MYO5A: variants seen among roughly 807,000 people sequenced by gnomAD.
The protein encoded by MYO5A is myosin VA.
A neutral mutation model predicts 249.7 loss-of-function variants in MYO5A; 98 were observed. The ratio of observed to expected loss-of-function variants is 0.39; its 90% CI spans 0.33 to 0.46. The LOEUF (loss-of-function observed/expected upper bound fraction) is 0.46, where lower values mean the gene tolerates loss of function less well. MYO5A is among the 20% of genes least tolerant of loss of function. The probability of loss-of-function intolerance (pLI) is 0.98; values close to 1 mark genes in which losing one functional copy is unlikely to be tolerated. For synonymous variants in MYO5A, 778 were observed against 810.6 expected, an observed-to-expected ratio of 0.96 and a Z score of 0.68; for missense variants, 1,696 against 2,308.8, an observed-to-expected ratio of 0.73 and a Z score of 5.44.
intron 19 of MYO5A, 116 bp from the exon 20 acceptor site, chr15:52,375,576 T>C: frequency 9.4e-7 from 1 of 1,064,214 alleles, no homozygotes; most frequent in Non-Finnish European, 1.4e-6. Context: ...TCCATTGTAT[T>C]ATTCTAATAA....
intron 1 of MYO5A, among the ~76,000 whole-genome samples, chr15:52,467,481 G>A (rs937173234): frequency 4.6e-5 from 7 of 152,050 alleles, no homozygotes; most frequent in Non-Finnish European, 1.0e-4. Context: ...TCAGACAAAA[G>A]TGAGGAAAAA....
At chr15:52,477,463 T>C (rs1246828959) in intron 1 of MYO5A, among the ~76,000 whole-genome samples, 1 of 152,208 alleles carries the variant, frequency 6.6e-6, no homozygotes, top group Admixed American at 6.5e-5. Flanking sequence ...TTCCTTTGTG[T>C]TCCTTTGGAG....
chr15:52,354,152 A>G (rs1453547548), intron 25 of MYO5A, 138 bp from the exon 26 acceptor site: 2 of 1,036,500 alleles, frequency 1.9e-6, no homozygotes, highest in East Asian at 2.6e-5. Flanking sequence ...ATATATTTTT[A>G]AAATGCTCAA....
chr15:52,510,681 C>T (rs1294559612), intron 1 of MYO5A, among the ~76,000 whole-genome samples: 6 of 152,212 alleles, frequency 3.9e-5, no homozygotes, highest in African/African-American at 1.2e-4. Context: ...TAACTAATGC[C>T]TGATTATCTA....
In MYO5A at chr15:52,372,024, T is replaced by C. The variant is rs1397170586; in HGVS notation, c.2817+100A>G. ...ATACGGTCATAATTTTACTTTTTAC[T>C]AAGACCGAAGGGTAAAGTCAAAGAA... On this transcript the variant is annotated intron_variant, in intron 21 of 41. Transcript: ENST00000399233. The C allele has an allele frequency of 2.5e-6, 4 of 1,572,102 alleles. No individual in the cohort carries two copies. In the East Asian group the frequency reaches 9.0e-5, roughly 35 times the overall value.
At chr15:52,432,165 T>C (rs1055749569) in intron 2 of MYO5A, among the ~76,000 whole-genome samples, 2 of 152,248 alleles carry the variant, frequency 1.3e-5, no homozygotes, top group South Asian at 2.1e-4. Context: ...TCCTTCCCTA[T>C]AGAAGAATTC....
chr15:52,339,113 G>A (rs1196700393), intron 32 of MYO5A, among the ~76,000 whole-genome samples: 1 of 151,894 alleles, frequency 6.6e-6, no homozygotes, highest in East Asian at 1.9e-4. Flanking sequence ...TCATTCCCAT[G>A]GTGGAGCCTC....
At chr15:52,412,945 C>A (rs2141243412) in intron 5 of MYO5A, among the ~76,000 whole-genome samples, 1 of 152,150 alleles carries the variant, frequency 6.6e-6, no homozygotes, top group South Asian at 2.1e-4. Context: ...GTCAAGAGTT[C>A]AAGACCAGCC....
intron 16 of MYO5A, among the ~76,000 whole-genome samples, chr15:52,382,206 G>A (rs963951896): frequency 6.6e-6 from 1 of 152,156 alleles, no homozygotes; most frequent in Non-Finnish European, 1.5e-5. Flanking sequence ...CCGGCTGACG[G>A]ATGCTTTTTC....
At chr15:52,346,600 C>T (rs1327175027) in intron 29 of MYO5A, 139 bp from the exon 30 acceptor site, 3 of 703,690 alleles carry the variant, frequency 4.3e-6, no homozygotes, top group Non-Finnish European at 7.8e-6. Flanking sequence ...TCAGCCCCAA[C>T]CTCATGTAAC....
Position 52,314,118 on chromosome 15 carries a change from C to CT in MYO5A, c.5490+4dup. On this transcript the variant is annotated splice_donor_region_variant and intron_variant, in intron 41 of 41. Transcript: ENST00000399233. ...TGAATCAAAGAAGAAGATGGGAGCT[C>CT]TTACCTGTATAGTACGAATGAACGA... 4 of 1,599,990 alleles carry CT rather than the reference C, an allele frequency of 2.5e-6. No homozygotes were observed. Among genetic ancestry groups the CT allele is most frequent in the Non-Finnish European group, 3.4e-6 (4 of 1,168,068 alleles).
At chr15:52,415,349 C>T (rs2043429538) in intron 5 of MYO5A, among the ~76,000 whole-genome samples, 1 of 152,198 alleles carries the variant, frequency 6.6e-6, no homozygotes, top group African/African-American at 2.4e-5. Flanking sequence ...AAAACTATAA[C>T]TTTCCAAAAA....
At chr15:52,412,484 T>C (rs1475097161) in intron 5 of MYO5A, among the ~76,000 whole-genome samples, 1 of 152,254 alleles carries the variant, frequency 6.6e-6, no homozygotes, top group Non-Finnish European at 1.5e-5. Context: ...CAACTTGTCA[T>C]TATTTAATCT....
intron 1 of MYO5A, among the ~76,000 whole-genome samples, chr15:52,461,948 C>T (rs1008215849): frequency 7.1e-6 from 1 of 141,834 alleles, no homozygotes; most frequent in African/African-American, 2.7e-5. Context: ...CTGGGCAACA[C>T]AGCGAGACTC....
At chr15:52,487,384 C>G (rs1174743353) in intron 1 of MYO5A, among the ~76,000 whole-genome samples, 1 of 151,870 alleles carries the variant, frequency 6.6e-6, no homozygotes, top group Non-Finnish European at 1.5e-5. Context: ...CCACTGAACT[C>G]CAGCCTGGGC....
intron 2 of MYO5A, among the ~76,000 whole-genome samples, chr15:52,432,012 A>G (rs1214746561): frequency 6.6e-6 from 1 of 152,194 alleles, no homozygotes. Flanking sequence ...ACCCAATCTA[A>G]GAGAGATCTC....
chr15:52,445,984 G>C (rs567566696), intron 1 of MYO5A, among the ~76,000 whole-genome samples: 41 of 152,304 alleles, frequency 2.7e-4, no homozygotes, highest in African/African-American at 8.2e-4. Flanking sequence ...AAATTTGCAG[G>C]CTGGCCATGT....
Position 52,384,239 on chromosome 15 carries a change from G to A in MYO5A, c.1836C>T (p.Leu612=). ...TSATSSGRTP[L]TRTPAKPTKG... is the part of the protein sequence containing the mutation. ...TGGTGGGCTTTGCAGGAGTTCGTGT[G>A]AGGGGTGTGCGCCCTGAGGAGGTGG... Residue 612 remains leucine (L), a synonymous_variant, in exon 15 of 42, where the codon CTC becomes CTT. Transcript: ENST00000399233. The A allele has an allele frequency of 2.5e-6, 4 of 1,614,214 alleles. No individual in the cohort carries two copies. Among genetic ancestry groups the A allele is most frequent in the Non-Finnish European group, 3.4e-6 (4 of 1,180,022 alleles).
intron 16 of MYO5A, among the ~76,000 whole-genome samples, chr15:52,382,546 G>A (rs1217278734): frequency 2.6e-5 from 4 of 152,180 alleles, no homozygotes; most frequent in East Asian, 3.8e-4. Flanking sequence ...ACTCCAGCCA[G>A]GGCAAGAAGA....
Sources: gnomAD v4.1 joint callset for allele counts (sites outside exome capture counted in the v4.1 genomes callset) on GRCh38, gnomAD v4.1.1 for gene constraint, MANE v1.5 for transcripts, NCBI Gene and HGNC (gene_info 2026-07-23, HGNC 2026-07-21) for gene names.